Variants in TRIM23 observed in about 807,000 individuals in gnomAD.
TRIM23 encodes E3 ubiquitin-protein ligase TRIM23.
In TRIM23, 27 loss-of-function variants were observed where a neutral mutation model predicts 71.0. That is an observed-to-expected ratio of 0.38 (90% CI 0.28 to 0.52). The LOEUF is 0.52. Among genes scored for constraint, TRIM23 ranks in the 20% least tolerant of loss-of-function variants. The pLI, the probability that TRIM23 is intolerant of heterozygous loss-of-function variation, is 0.84. For synonymous variants in TRIM23, 234 were observed against 238.0 expected (o/e 0.98, Z 0.16); for missense variants, 482 against 692.3 (o/e 0.70, Z 3.41).
intron 6 of TRIM23, among the ~76,000 whole-genome samples, chr5:65,607,607 C>T (rs1283844383): frequency 6.6e-6 from 1 of 152,122 alleles, no homozygotes; most frequent in Admixed American, 6.5e-5. Flanking sequence ...TATAAATTAC[C>T]CAGTCTCAGG....
At chr5:65,620,912 C>CAA (rs11411763) in intron 1 of TRIM23, among the ~76,000 whole-genome samples, 9 of 149,608 alleles carry the variant, frequency 6.0e-5, no homozygotes, top group South Asian at 2.1e-4. Context: ...CCTGTCTCTA[C>CAA]AAAAAAAAAT....
intron 1 of TRIM23, among the ~76,000 whole-genome samples, chr5:65,619,233 T>C (rs887650723): frequency 2.6e-5 from 4 of 152,196 alleles, no homozygotes; most frequent in African/African-American, 9.7e-5. Context: ...CATGAGAAAC[T>C]GTTTCATGTC....
intron 10 of TRIM23, among the ~76,000 whole-genome samples, 167 bp downstream of exon 10, chr5:65,594,354 G>A (rs746022156): frequency 6.6e-6 from 1 of 151,994 alleles, no homozygotes; most frequent in African/African-American, 2.4e-5. Flanking sequence ...TTTCTATTTT[G>A]TATACTCCCA....
intron 1 of TRIM23, among the ~76,000 whole-genome samples, chr5:65,622,334 G>A (rs755047724): frequency 3.3e-5 from 5 of 151,854 alleles, no homozygotes; most frequent in Admixed American, 6.6e-5. Context: ...GCCTGGCTAC[G>A]TTTTGTATTA....
At chr5:65,599,065 C>T (rs771726059) in intron 7 of TRIM23, among the ~76,000 whole-genome samples, 1 of 151,958 alleles carries the variant, frequency 6.6e-6, no homozygotes, top group Non-Finnish European at 1.5e-5. Context: ...AAGATGCCCA[C>T]AGAGCAATTA....
At chr5:65,613,665 T>C (rs1754709784) in intron 3 of TRIM23, 2 of 1,118,780 alleles carry the variant, frequency 1.8e-6, no homozygotes, top group African/African-American at 3.3e-5. Context: ...ACAGTAACAA[T>C]TCCCTCAGAA....
At position 65,590,595 on chromosome 5, in the gene TRIM23, A is replaced by G; in HGVS notation, c.*1174T>C. On this transcript the variant is annotated 3_prime_UTR_variant, in exon 11 of 11. Transcript: ENST00000231524. ...ACCTATTTAAATAAATCGTGCTTCC[A>G]TAATAATATTCTTTAAAAATGAAAA... The G allele has an allele frequency of 2.9e-6, 3 of 1,017,372 alleles. No individual in the cohort carries two copies. Among genetic ancestry groups the G allele is most frequent in the Non-Finnish European group, 3.6e-6 (3 of 843,192 alleles). 63.0% of individuals were successfully genotyped at this position (1,017,372 alleles called of 1,614,324 possible).
At chr5:65,596,563 T>C (rs1265173280) in intron 8 of TRIM23, 32 bp from the exon 9 acceptor site, 1 of 1,288,848 alleles carries the variant, frequency 7.8e-7, no homozygotes, top group Non-Finnish European at 1.1e-6. Flanking sequence ...TTTTATACTA[T>C]ATTTGTATTT....
At chr5:65,616,494 T>A (rs945713844) in intron 2 of TRIM23, among the ~76,000 whole-genome samples, 1 of 151,178 alleles carries the variant, frequency 6.6e-6, no homozygotes, top group African/African-American at 2.4e-5. Context: ...ATACACAAAT[T>A]AGTCAGGCGT....
intron 3 of TRIM23, chr5:65,613,663 A>C (rs1754709717): frequency 1.8e-6 from 2 of 1,119,350 alleles, no homozygotes; most frequent in Admixed American, 4.3e-5. Context: ...TAACAGTAAC[A>C]ATTCCCTCAG....
At chr5:65,617,476 G>C (rs571551549) in intron 2 of TRIM23, among the ~76,000 whole-genome samples, 1 of 152,048 alleles carries the variant, frequency 6.6e-6, no homozygotes, top group Non-Finnish European at 1.5e-5. Flanking sequence ...CAGAACTTAC[G>C]TTTGTAAAAT....
chr5:65,604,829 C>T, intron 7 of TRIM23, 82 bp downstream of exon 7: 1 of 1,323,966 alleles, frequency 7.6e-7, no homozygotes, highest in East Asian at 2.5e-5. Context: ...TCATGGTTGT[C>T]TCTTTAAGGT....
At chr5:65,601,113 A>G (rs911700467) in intron 7 of TRIM23, among the ~76,000 whole-genome samples, 1 of 152,192 alleles carries the variant, frequency 6.6e-6, no homozygotes, top group African/African-American at 2.4e-5. Flanking sequence ...CAGAACTACT[A>G]TATGATCTAC....
intron 1 of TRIM23, among the ~76,000 whole-genome samples, chr5:65,620,269 C>G (rs1754895508): frequency 6.6e-6 from 1 of 152,058 alleles, no homozygotes; most frequent in Non-Finnish European, 1.5e-5. Context: ...CTTGACAATA[C>G]TTACCAAATT....
At chr5:65,610,811 T>C (rs763420395) in intron 5 of TRIM23, 50 bp downstream of exon 5, 3 of 1,474,810 alleles carry the variant, frequency 2.0e-6, no homozygotes, top group Non-Finnish European at 2.7e-6. Context: ...AAGGTGAAAA[T>C]ATGAAAAATA....
At chr5:65,597,954 T>C (rs911043345) in intron 7 of TRIM23, among the ~76,000 whole-genome samples, 6 of 152,188 alleles carry the variant, frequency 3.9e-5, no homozygotes, top group Non-Finnish European at 8.8e-5. Flanking sequence ...CATATAAAAG[T>C]CCTTACAACA....
intron 7 of TRIM23, among the ~76,000 whole-genome samples, chr5:65,602,061 T>C (rs1175739404): frequency 1.3e-5 from 2 of 152,248 alleles, no homozygotes; most frequent in African/African-American, 2.4e-5. Flanking sequence ...ATTAGGTTCC[T>C]TGCTACTTAT....
At chr5:65,595,297 C>A (rs1754169540) in intron 9 of TRIM23, among the ~76,000 whole-genome samples, 1 of 151,766 alleles carries the variant, frequency 6.6e-6, no homozygotes, top group South Asian at 2.1e-4. Context: ...GTGGCTCGTG[C>A]CTCTAATCCC....
At chr5:65,605,220 A>G (rs1311683489) in intron 6 of TRIM23, among the ~76,000 whole-genome samples, 175 bp from the exon 7 acceptor site, 1 of 152,236 alleles carries the variant, frequency 6.6e-6, no homozygotes, top group Non-Finnish European at 1.5e-5. Context: ...CTTAGCAACG[A>G]AAGAATGGAT....
Sources: gnomAD v4.1 joint callset for allele counts (sites outside exome capture counted in the v4.1 genomes callset) on GRCh38, gnomAD v4.1.1 for gene constraint, MANE v1.5 for transcripts, NCBI Gene and HGNC (gene_info 2026-07-23, HGNC 2026-07-21) for gene names.